The following GCSAML variants were observed in gnomAD, a reference collection of about 807,000 sequenced individuals.
GCSAML encodes the protein germinal center-associated signaling and motility-like protein.
A neutral mutation model predicts 13.0 loss-of-function variants in GCSAML; 9 were observed. The observed-to-expected ratio is 0.69, with a 90% CI of 0.42 to 1.21. The LOEUF is 1.21. Among genes scored for constraint, GCSAML ranks in the 50% most tolerant of loss-of-function variants. The probability of loss-of-function intolerance (pLI) is 0.00; values close to 1 mark genes in which losing one functional copy is unlikely to be tolerated. For missense variants in GCSAML, 143 were observed against 153.4 expected, an observed-to-expected ratio of 0.93 and a Z score of 0.36; for synonymous variants, 37 against 52.9, an observed-to-expected ratio of 0.70 and a Z score of 1.31.
intron 1 of GCSAML, among the ~76,000 whole-genome samples, chr1:247,508,707 TC>T (rs1480466384): frequency 1.3e-5 from 2 of 152,190 alleles, no homozygotes; most frequent in African/African-American, 4.8e-5. Flanking sequence ...AAGGAAGGTG[TC>T]CATTTCAGTT....
At chr1:247,522,310 ACCTGGCC>A (rs1666477747) in intron 1 of GCSAML, among the ~76,000 whole-genome samples, 2 of 118,362 alleles carry the variant, frequency 1.7e-5, no homozygotes, top group Non-Finnish European at 3.7e-5. Flanking sequence ...GGGCGCCTCC[ACCTGGCC>A]GCCGCCCCGT....
At chr1:247,572,702 C>T (rs1186149982) in intron 4 of GCSAML, among the ~76,000 whole-genome samples, 1 of 152,226 alleles carries the variant, frequency 6.6e-6, no homozygotes, top group Non-Finnish European at 1.5e-5. Context: ...CTTGAGGAGG[C>T]CATCTTTCCC....
chr1:247,549,839 A>G (rs1004277768), intron 1 of GCSAML, among the ~76,000 whole-genome samples: 3 of 152,228 alleles, frequency 2.0e-5, no homozygotes, highest in Non-Finnish European at 4.4e-5. Flanking sequence ...ATGTGTACAG[A>G]TAACAGGCAT....
At chr1:247,561,293 G>A (rs1288253621) in intron 2 of GCSAML, among the ~76,000 whole-genome samples, 1 of 152,066 alleles carries the variant, frequency 6.6e-6, no homozygotes, top group African/African-American at 2.4e-5. Flanking sequence ...ACATATTTGG[G>A]GGGTACATGT....
chr1:247,574,096 A>G (rs1480009593), intron 4 of GCSAML, 47 bp from the exon 5 acceptor site: 1 of 1,604,950 alleles, frequency 6.2e-7, no homozygotes, highest in Non-Finnish European at 8.5e-7. Flanking sequence ...AGTTCAATTT[A>G]TGAATGACCG....
At chr1:247,522,636 C>T (rs1367930162) in intron 1 of GCSAML, among the ~76,000 whole-genome samples, 1 of 152,308 alleles carries the variant, frequency 6.6e-6, no homozygotes, top group East Asian at 1.9e-4. Context: ...CTCTCTGAAA[C>T]ATGTGCTGTG....
At chr1:247,567,952 G>GT (rs1165673220) in intron 4 of GCSAML, among the ~76,000 whole-genome samples, 1 of 151,916 alleles carries the variant, frequency 6.6e-6, no homozygotes, top group Non-Finnish European at 1.5e-5. Flanking sequence ...TTTTTCTTAT[G>GT]TTTTTTGGCT....
intron 1 of GCSAML, among the ~76,000 whole-genome samples, chr1:247,514,944 C>A (rs748316065): frequency 6.6e-6 from 1 of 152,090 alleles, no homozygotes; most frequent in African/African-American, 2.4e-5. Flanking sequence ...GCTATGTGGG[C>A]TCTTTTTTGC....
At chr1:247,553,457 A>G (rs1667848193) in intron 1 of GCSAML, among the ~76,000 whole-genome samples, 1 of 152,194 alleles carries the variant, frequency 6.6e-6, no homozygotes, top group Non-Finnish European at 1.5e-5. Context: ...ATTCTTAGGC[A>G]TCATTTTCTT....
rs1381806787 is a variant in GCSAML at position 247,521,938 on chromosome 1, C to G, written c.-262-5002C>G. 2.6e-5 allele frequency among the ~76,000 whole-genome samples: 4 copies of G among 152,054 alleles called. No homozygotes were observed. In the South Asian group the frequency reaches 8.3e-4, roughly 32 times the overall value. On this transcript the variant is annotated intron_variant, in intron 1 of 5. Transcript: ENST00000366489. The stretch of plus-strand genomic sequence containing the variant: ...GCCATCCCGTCTAGGAAGTGAGGAG[C>G]GTCTCTGCCCGGCTGCCCATCGTCT...
At chr1:247,563,515 A>G in intron 2 of GCSAML, 75 bp from the exon 3 acceptor site, 1 of 813,616 alleles carries the variant, frequency 1.2e-6, no homozygotes, top group Non-Finnish European at 2.0e-6. Context: ...AAGGGCAACC[A>G]AATGCTTTTT....
chr1:247,556,037 C>T (rs1337029848), intron 1 of GCSAML, among the ~76,000 whole-genome samples: 2 of 152,172 alleles, frequency 1.3e-5, no homozygotes, highest in Non-Finnish European at 2.9e-5. Context: ...AAGGTGTGTA[C>T]AAGCAGATCA....
At chr1:247,531,413 C>T in intron 2 of GCSAML, 5 of 810,774 alleles carry the variant, frequency 6.2e-6, no homozygotes, top group Non-Finnish European at 9.8e-6. Flanking sequence ...ATGGCATGAG[C>T]ACACTCCTTT....
At chr1:247,528,241 T>A (rs1410031901) in intron 2 of GCSAML, 1 of 152,092 alleles carries the variant, frequency 6.6e-6, no homozygotes, top group East Asian at 1.9e-4. Flanking sequence ...AATTTCATTT[T>A]AGTTTGTTTT....
chr1:247,539,351 G>T (rs1186282596), intron 2 of GCSAML, among the ~76,000 whole-genome samples: 1 of 152,126 alleles, frequency 6.6e-6, no homozygotes, highest in African/African-American at 2.4e-5. Context: ...GACATCTAAA[G>T]GTCACCCATT....
rs111663079 is a variant in GCSAML, at chr1:247,574,069, G to A, written c.169-74G>A. The A allele has an allele frequency of 6.5e-6, 10 of 1,541,900 alleles. No individual in the cohort carries two copies. The African/African-American group carries it at 1.1e-4, about 17-fold the overall frequency. ...GCACCATCAGGTGTATAAAGAAGAA[G>A]GGAAGGTAGTACACTGAGTTCAATT... On this transcript the variant is annotated intron_variant, in intron 4 of 4. Coordinates refer to ENST00000366488, the MANE Select transcript of GCSAML (RefSeq NM_145278.5).
chr1:247,516,954 G>A (rs912910354), intron 1 of GCSAML, among the ~76,000 whole-genome samples: 7 of 152,116 alleles, frequency 4.6e-5, no homozygotes, highest in Non-Finnish European at 7.3e-5. Context: ...TTGCTTTCAC[G>A]AAGGAGTGCA....
At chr1:247,566,454 C>G (rs1051825160) in intron 4 of GCSAML, among the ~76,000 whole-genome samples, 1 of 152,106 alleles carries the variant, frequency 6.6e-6, no homozygotes, top group African/African-American at 2.4e-5. Context: ...GTTGGCCAGG[C>G]TAGTCTCGAA....
intron 1 of GCSAML, among the ~76,000 whole-genome samples, chr1:247,521,374 T>TCTCCCTCTCCCTCTCCAC (rs1666416098): frequency 4.6e-5 from 7 of 150,830 alleles, no homozygotes; most frequent in African/African-American, 1.7e-4. Context: ...ACGGTCTCCC[T>TCTCCCTCTCCCTCTCCAC]CTCCCTCTCC....
Sources: allele counts gnomAD v4.1 joint callset (sites outside exome capture counted in the v4.1 genomes callset), GRCh38; gene constraint gnomAD v4.1.1; transcripts MANE v1.5; gene names NCBI Gene and HGNC (gene_info 2026-07-23, HGNC 2026-07-21).